Variants in QKI observed in about 807,000 individuals in gnomAD.
QKI encodes the protein KH domain-containing RNA-binding protein QKI.
A neutral mutation model predicts 39.0 loss-of-function variants in QKI; 10 were observed. That is an observed-to-expected ratio of 0.26 (90% CI 0.16 to 0.43). The LOEUF (loss-of-function observed/expected upper bound fraction) is 0.43, where lower values mean the gene tolerates loss of function less well. QKI is among the 20% of genes least tolerant of loss of function. QKI has a pLI of 1.00. For synonymous variants in QKI, 204 were observed against 155.4 expected, an observed-to-expected ratio of 1.31 and a Z score of -2.33; for missense variants, 218 against 428.0, an observed-to-expected ratio of 0.51 and a Z score of 4.33.
At chr6:163,444,062 A>G (rs1789957028) in intron 1 of QKI, among the ~76,000 whole-genome samples, 1 of 152,216 alleles carries the variant, frequency 6.6e-6, no homozygotes, top group Non-Finnish European at 1.5e-5. Flanking sequence ...CCGAGGATGT[A>G]ATTTAAAGTA....
chr6:163,436,291 A>G (rs1448444494), intron 1 of QKI, among the ~76,000 whole-genome samples: 1 of 152,234 alleles, frequency 6.6e-6, no homozygotes, highest in Non-Finnish European at 1.5e-5. Flanking sequence ...TTTTGCTTCC[A>G]TACACAACCC....
At chr6:163,515,942 A>G (rs9458844) in intron 3 of QKI, among the ~76,000 whole-genome samples, 6,141 of 152,174 alleles carry the variant, frequency 0.04, 137 homozygotes, top group African/African-American at 0.063. Flanking sequence ...CTGATTATTT[A>G]TCTCTCAAAT....
chr6:163,418,472 G>T (rs896482999), intron 1 of QKI, among the ~76,000 whole-genome samples: 7 of 152,020 alleles, frequency 4.6e-5, no homozygotes, highest in African/African-American at 1.4e-4. Context: ...TTTACTGCTT[G>T]TTTTTGTTTT....
intron 3 of QKI, among the ~76,000 whole-genome samples, chr6:163,510,890 C>T (rs1041663881): frequency 7.1e-6 from 1 of 140,028 alleles, no homozygotes; most frequent in African/African-American, 2.8e-5. Context: ...AAAAAAATTA[C>T]TCAGAAGATT....
chr6:163,422,368 ATTAT>A (rs1443111236), intron 1 of QKI, among the ~76,000 whole-genome samples: 3 of 152,224 alleles, frequency 2.0e-5, no homozygotes, highest in South Asian at 2.1e-4. Context: ...TTTATATCAC[ATTAT>A]TTATTATAAG....
intron 1 of QKI, among the ~76,000 whole-genome samples, chr6:163,433,456 C>T (rs1234951880): frequency 6.6e-6 from 1 of 151,976 alleles, no homozygotes; most frequent in Non-Finnish European, 1.5e-5. Flanking sequence ...TAAATATGAA[C>T]CAGAAAAATA....
intron 1 of QKI, among the ~76,000 whole-genome samples, chr6:163,440,729 A>G (rs575968186): frequency 1.3e-5 from 2 of 152,322 alleles, no homozygotes; most frequent in Admixed American, 6.5e-5. Context: ...TTAGTTTGTT[A>G]TAGAACTGGG....
intron 1 of QKI, among the ~76,000 whole-genome samples, chr6:163,427,435 A>C (rs73015316): frequency 6.6e-6 from 1 of 152,122 alleles, no homozygotes; most frequent in African/African-American, 2.4e-5. Context: ...CCAATAATAT[A>C]GCCAGTGACC....
At chr6:163,561,922 T>C (rs960040671) in intron 4 of QKI, 60 bp from the exon 5 acceptor site, 17 of 1,283,710 alleles carry the variant, frequency 1.3e-5, no homozygotes, top group South Asian at 5.1e-5. Context: ...TGTGTAGATA[T>C]AGCTATTATA....
intron 1 of QKI, among the ~76,000 whole-genome samples, chr6:163,440,830 A>G (rs1789710761): frequency 1.3e-5 from 2 of 152,004 alleles, no homozygotes; most frequent in African/African-American, 2.4e-5. Flanking sequence ...TGTTGAATGC[A>G]TATACGAAAA....
intron 1 of QKI, among the ~76,000 whole-genome samples, chr6:163,419,087 A>C (rs1381299417): frequency 6.6e-6 from 1 of 152,134 alleles, no homozygotes; most frequent in African/African-American, 2.4e-5. Flanking sequence ...TGATTTGAAA[A>C]TATATTTTCA....
chr6:163,566,928 T>TGATC, intron 7 of QKI, 133 bp downstream of exon 7: 1 of 1,453,932 alleles, frequency 6.9e-7, no homozygotes, highest in South Asian at 1.4e-5. Flanking sequence ...AATTTGTTTG[T>TGATC]GATCATTGAC....
At chr6:163,465,626 C>CA (rs35130458) in intron 2 of QKI, among the ~76,000 whole-genome samples, 7,763 of 95,608 alleles carry the variant, frequency 0.081, 619 homozygotes, top group African/African-American at 0.22. Context: ...AAGACTGTCT[C>CA]AAAAAAAAAA....
intron 3 of QKI, among the ~76,000 whole-genome samples, chr6:163,526,006 A>G (rs746888264): frequency 2.6e-5 from 4 of 152,186 alleles, no homozygotes; most frequent in Non-Finnish European, 4.4e-5. Context: ...TTATTTTTGT[A>G]TCTCATGCTG....
intron 1 of QKI, among the ~76,000 whole-genome samples, chr6:163,425,041 C>G (rs566695348): frequency 6.6e-6 from 1 of 152,136 alleles, no homozygotes; most frequent in Non-Finnish European, 1.5e-5. Flanking sequence ...GATGATGTAT[C>G]CATGTAGGTT....
At chr6:163,454,757 C>G (rs1471621275) in intron 1 of QKI, among the ~76,000 whole-genome samples, 1 of 152,184 alleles carries the variant, frequency 6.6e-6, no homozygotes, top group African/African-American at 2.4e-5. Context: ...ATATGAAACT[C>G]AGACTTCTGC....
intron 3 of QKI, among the ~76,000 whole-genome samples, chr6:163,499,985 G>A (rs538055081): frequency 6.6e-6 from 1 of 152,290 alleles, no homozygotes; most frequent in East Asian, 1.9e-4. Context: ...CTCTGAGGAA[G>A]TTACATCTAA....
chr6:163,452,319 C>G (rs1332910195), intron 1 of QKI, among the ~76,000 whole-genome samples: 1 of 152,178 alleles, frequency 6.6e-6, no homozygotes, highest in African/African-American at 2.4e-5. Flanking sequence ...GTTACCTTTT[C>G]ATTCCCATCA....
At chr6:163,498,853 G>A (rs1256807309) in intron 3 of QKI, among the ~76,000 whole-genome samples, 1 of 152,052 alleles carries the variant, frequency 6.6e-6, no homozygotes, top group African/African-American at 2.4e-5. Flanking sequence ...TGGAGCATCC[G>A]AAATGCTTGG....
Sources: gnomAD v4.1 joint callset for allele counts (sites outside exome capture counted in the v4.1 genomes callset) on GRCh38, gnomAD v4.1.1 for gene constraint, MANE v1.5 for transcripts, NCBI Gene and HGNC (gene_info 2026-07-23, HGNC 2026-07-21) for gene names.